Variants in ZNF714 observed in about 807,000 individuals in gnomAD.
ZNF714 encodes the protein zinc finger protein 714.
In ZNF714, 32 loss-of-function variants were observed where a neutral mutation model predicts 46.2. That is an observed-to-expected ratio of 0.69 (90% CI 0.52 to 0.93). The LOEUF (loss-of-function observed/expected upper bound fraction) is 0.93, where lower values mean the gene tolerates loss of function less well. Ranked by LOEUF, ZNF714 falls within the 40% of genes least tolerant of loss-of-function variation. ZNF714 has a pLI of 0.00. For synonymous variants in ZNF714, 199 were observed against 213.1 expected (o/e 0.93, Z 0.58); for missense variants, 635 against 646.3 (o/e 0.98, Z 0.19).
At chr19:21,104,410 C>G (rs1262201055) in intron 4 of ZNF714, among the ~76,000 whole-genome samples, 2 of 151,962 alleles carry the variant, frequency 1.3e-5, no homozygotes, top group Non-Finnish European at 2.9e-5. Context: ...AGTGAGATTG[C>G]TGTATTTGAT....
chr19:21,095,829 A>G (rs996540221), intron 2 of ZNF714, among the ~76,000 whole-genome samples: 1 of 151,874 alleles, frequency 6.6e-6, no homozygotes, highest in African/African-American at 2.4e-5. Flanking sequence ...CACCCCCACG[A>G]CCTGATGTTG....
intron 2 of ZNF714, among the ~76,000 whole-genome samples, chr19:21,085,815 G>A (rs989515535): frequency 6.6e-6 from 1 of 150,678 alleles, no homozygotes; most frequent in African/African-American, 2.4e-5. Context: ...TCTTACTGAT[G>A]ATAAAGTTGT....
Position 21,117,277 on chromosome 19 carries a change from G to T in ZNF714, c.613G>T (p.Glu205Ter), listed in dbSNP as rs551636385. ...TGGAGAGAAACCCTTCAAATGTGAA[G>T]AATGTGGCAAAGCTTTTAAGCACTC... Reference protein sequence around the residue: ...HTGEKPFKCEECGKAFKHSST... With the variant: ...HTGEKPFKCE The change falls in exon 5 of 5, where the codon GAA (glutamate) becomes TAA (stop). Residue 205 changes from glutamate (E) to a stop codon, truncating the protein, a stop_gained. Coordinates refer to ENST00000456283, the MANE Select transcript of ZNF714 (RefSeq NM_182515.4). LOFTEE classifies it high-confidence loss of function. 6.2e-7 allele frequency: 1 copy of T among 1,613,916 alleles called. No homozygotes were observed. Among genetic ancestry groups the T allele is most frequent in the African/African-American group, 1.3e-5 (1 of 75,030 alleles).
At chr19:21,115,389 T>C (rs1046281957) in intron 4 of ZNF714, among the ~76,000 whole-genome samples, 1 of 151,996 alleles carries the variant, frequency 6.6e-6, no homozygotes, top group Non-Finnish European at 1.5e-5. Flanking sequence ...ATTTATAAAA[T>C]TACTTTATTT....
chr19:21,092,906 C>CTTTTTTTT (rs56845417), intron 2 of ZNF714, among the ~76,000 whole-genome samples: 17 of 101,698 alleles, frequency 1.7e-4, no homozygotes, highest in East Asian at 2.9e-4. Context: ...ATAACTTAAA[C>CTTTTTTTT]TTTTTTTTTT....
intron 1 of ZNF714, among the ~76,000 whole-genome samples, chr19:21,083,218 T>C (rs1024428316): frequency 1.3e-5 from 2 of 152,056 alleles, no homozygotes; most frequent in African/African-American, 4.8e-5. Flanking sequence ...GTGGTTTTAG[T>C]AGAGACGGGT....
chr19:21,100,321 G>A (rs1437127903), intron 4 of ZNF714, among the ~76,000 whole-genome samples: 29 of 151,682 alleles, frequency 1.9e-4, no homozygotes, highest in Admixed American at 1.8e-3. Context: ...TCAGGAGTTC[G>A]AGATCAGCCT....
At chr19:21,115,467 A>G (rs1353262889) in intron 4 of ZNF714, among the ~76,000 whole-genome samples, 2 of 151,996 alleles carry the variant, frequency 1.3e-5, no homozygotes, top group Non-Finnish European at 2.9e-5. Context: ...ATGAAGTGCC[A>G]ATATTTTTTT....
intron 4 of ZNF714, among the ~76,000 whole-genome samples, chr19:21,116,247 AGTAACCATTT>A (rs1969594296): frequency 6.6e-6 from 1 of 151,758 alleles, no homozygotes; most frequent in African/African-American, 2.4e-5. Context: ...CATCTTAATC[AGTAACCATTT>A]GCTCTGTTTT....
At chr19:21,112,940 A>C (rs1483663543) in intron 4 of ZNF714, among the ~76,000 whole-genome samples, 2 of 147,232 alleles carry the variant, frequency 1.4e-5, no homozygotes, top group Admixed American at 1.4e-4. Context: ...CTCCTGCCTC[A>C]GCCTCCCAAG....
chr19:21,104,923 A>G (rs957933754), intron 4 of ZNF714, among the ~76,000 whole-genome samples: 1 of 148,214 alleles, frequency 6.7e-6, no homozygotes, highest in African/African-American at 2.5e-5. Context: ...CCTCATTTTT[A>G]TTTTTATATG....
At chr19:21,096,763 G>A (rs1413722006) in intron 2 of ZNF714, among the ~76,000 whole-genome samples, 3 of 152,176 alleles carry the variant, frequency 2.0e-5, no homozygotes, top group African/African-American at 4.8e-5. Flanking sequence ...AGTAAAGATG[G>A]AGAACATATA....
chr19:21,099,758 A>G (rs1969129871), intron 4 of ZNF714, among the ~76,000 whole-genome samples: 1 of 152,190 alleles, frequency 6.6e-6, no homozygotes, highest in Non-Finnish European at 1.5e-5. Flanking sequence ...TGTGAAAAAA[A>G]TGCCACTGGA....
chr19:21,116,804 C>T lies in ZNF714; in HGVS notation c.143-3C>T, dbSNP rs376039777. On this transcript the variant is annotated splice_polypyrimidine_tract_variant and splice_region_variant and intron_variant, in intron 4 of 4. Transcript: ENST00000456283. Reference sequence around the variant, plus strand: ...AATAATTTGTTGTTTGTATTTCTTTCAGCTATGTGTTCTTCTTTTACCAGA... The same window carrying T: ...AATAATTTGTTGTTTGTATTTCTTTTAGCTATGTGTTCTTCTTTTACCAGA... 3.2e-6 allele frequency: 5 copies of T among 1,574,802 alleles called. No individual in the cohort carries two copies. The highest frequency in any genetic ancestry group is 1.7e-4 in the Middle Eastern group (1 of 5,830).
At position 21,123,312 on chromosome 19, in the gene ZNF714, TAAGA is replaced by T. The variant is rs1172432877; in HGVS notation, c.*4981_*4984del. On this transcript the variant is annotated 3_prime_UTR_variant, in exon 5 of 5. Transcript: ENST00000456283. ...CTTGAAAATATGGAAATTAAATTTT[TAAGA>T]GAGTTAATAGTAAACGAATTTAATT... 6.6e-6 allele frequency among the ~76,000 whole-genome samples: 1 copy of T among 152,142 alleles called. No individual in the cohort carries two copies. Among genetic ancestry groups the T allele is most frequent in the African/African-American group, 2.4e-5 (1 of 41,440 alleles).
intron 4 of ZNF714, among the ~76,000 whole-genome samples, chr19:21,114,519 T>C (rs1969544966): frequency 6.6e-6 from 1 of 152,170 alleles, no homozygotes; most frequent in Non-Finnish European, 1.5e-5. Flanking sequence ...CTCCATTCTT[T>C]AATTTGAGCC....
At chr19:21,098,940 C>T in intron 4 of ZNF714, 30 bp downstream of exon 4, 1 of 1,102,202 alleles carries the variant, frequency 9.1e-7, no homozygotes, top group Non-Finnish European at 1.3e-6. Flanking sequence ...ACAGATGACA[C>T]AGATGAGAGG....
At chr19:21,091,908 G>T (rs1968917803) in intron 2 of ZNF714, 1 of 152,088 alleles carries the variant, frequency 6.6e-6, no homozygotes, top group Admixed American at 6.6e-5. Context: ...GGGCAATGTT[G>T]TGAGACTAAG....
intron 4 of ZNF714, among the ~76,000 whole-genome samples, chr19:21,109,409 C>G (rs1321985309): frequency 2.0e-5 from 3 of 151,986 alleles, no homozygotes; most frequent in East Asian, 1.9e-4. Context: ...TCTGTAGATA[C>G]AATTTTTTGC....
Sources: allele counts gnomAD v4.1 joint callset (sites outside exome capture counted in the v4.1 genomes callset), GRCh38; gene constraint gnomAD v4.1.1; transcripts MANE v1.5; gene names NCBI Gene and HGNC (gene_info 2026-07-23, HGNC 2026-07-21).